ACO2: variants seen among roughly 807,000 people sequenced by gnomAD.
ACO2 encodes aconitase 2.
In ACO2, 31 loss-of-function variants were observed where a neutral mutation model predicts 84.5. That is an observed-to-expected ratio of 0.37 (90% CI 0.28 to 0.50). The LOEUF (loss-of-function observed/expected upper bound fraction) is 0.50, where lower values mean the gene tolerates loss of function less well. Ranked by LOEUF, ACO2 falls within the 20% of genes least tolerant of loss-of-function variation. ACO2 has a pLI of 0.97. For synonymous variants in ACO2, 414 were observed against 412.7 expected, an observed-to-expected ratio of 1.00 and a Z score of -0.04; for missense variants, 685 against 1,029.3, an observed-to-expected ratio of 0.67 and a Z score of 4.58.
intron 14 of ACO2, chr22:41,525,894 A>G (rs762376375): frequency 5.8e-5 from 13 of 223,194 alleles, no homozygotes; most frequent in Non-Finnish European, 9.7e-5. Context: ...GAAGAGACTA[A>G]TCAGTCATCA....
At chr22:41,478,888 A>G (rs533016908) in intron 1 of ACO2, among the ~76,000 whole-genome samples, 2 of 150,864 alleles carry the variant, frequency 1.3e-5, no homozygotes, top group African/African-American at 2.4e-5. Flanking sequence ...CTCCTGCCTC[A>G]GCCTCCCAAG....
intron 1 of ACO2, among the ~76,000 whole-genome samples, chr22:41,489,670 T>C (rs1468489240): frequency 6.6e-6 from 1 of 151,940 alleles, no homozygotes; most frequent in African/African-American, 2.4e-5. Flanking sequence ...GGTTAAACAT[T>C]CTGGGCAAGA....
At chr22:41,474,086 C>T (rs2037978628) in intron 1 of ACO2, among the ~76,000 whole-genome samples, 1 of 152,012 alleles carries the variant, frequency 6.6e-6, no homozygotes, top group Non-Finnish European at 1.5e-5. Flanking sequence ...CTGTTGGAGT[C>T]ATCCCAGGAA....
intron 1 of ACO2, among the ~76,000 whole-genome samples, chr22:41,474,450 C>A (rs1267047668): frequency 1.4e-5 from 2 of 145,194 alleles, no homozygotes; most frequent in South Asian, 2.2e-4. Flanking sequence ...CCTGCCACCA[C>A]GTCTGGCTAA....
intron 14 of ACO2, among the ~76,000 whole-genome samples, chr22:41,525,575 G>T (rs1199190446): frequency 2.0e-5 from 3 of 152,222 alleles, no homozygotes; most frequent in East Asian, 3.9e-4. Context: ...GCCTCCGTCT[G>T]GGGCCCTCAG....
Position 41,504,195 on chromosome 22 carries a change from G to GGT in ACO2, c.174-3593_174-3592dup, listed in dbSNP as rs1281706469. Among the ~76,000 whole-genome samples, 13 of 152,276 alleles carry GGT rather than the reference G, an allele frequency of 8.5e-5. No individual in the cohort carries two copies. The South Asian group carries it at 1.2e-3, about 15-fold the overall frequency. On this transcript the variant is annotated intron_variant, in intron 2 of 17. Coordinates refer to ENST00000216254, the MANE Select transcript of ACO2 (RefSeq NM_001098.3). Reference sequence around the variant, plus strand: ...CACACCACAGCACTCCAGCCAGAGTGGTGTCTCTGGTGACAGAGGAAGAGA... The same window carrying GGT: ...CACACCACAGCACTCCAGCCAGAGTGGTGTGTCTCTGGTGACAGAGGAAGAGA...
chr22:41,469,289 C>A (rs1034429022), intron 1 of ACO2, 107 bp downstream of exon 1: 2 of 1,360,114 alleles, frequency 1.5e-6, no homozygotes, highest in Admixed American at 4.5e-5. Context: ...GGGCCAACTT[C>A]TCGTGTACCT....
Position 41,527,369 on chromosome 22 carries a change from C to T in ACO2, c.2035C>T (p.Arg679Cys), listed in dbSNP as rs747898560. ...SSREHAALEPRHLGGRAIITK... is the reference protein window; with the variant it reads ...SSREHAALEPCHLGGRAIITK... ...CCGGGAGCATGCAGCTCTGGAGCCT[C>T]GCCACCTTGGGGGCCGGGCCATCAT... is the stretch of plus-strand genomic sequence containing the variant. The change falls in exon 16 of 18, where the codon CGC (arginine) becomes TGC (cysteine). Residue 679 changes from arginine (R) to cysteine (C), a missense_variant. Physicochemically the swap from Arg to Cys is radical, Grantham distance 180. Around this residue, in one of 5 missense-constraint regions of ACO2, gnomAD observed 174 missense variants for 236.6 expected, o/e 0.74. Transcript: ENST00000216254. The T allele has an allele frequency of 1.2e-6, 2 of 1,613,846 alleles. No homozygotes were observed. Among genetic ancestry groups the T allele is most frequent in the Non-Finnish European group, 8.5e-7 (1 of 1,180,018 alleles).
intron 9 of ACO2, 33 bp downstream of exon 9, chr22:41,520,309 T>A: frequency 6.4e-7 from 1 of 1,571,530 alleles, no homozygotes; most frequent in Non-Finnish European, 8.7e-7. Context: ...GTTTAGCAGG[T>A]CTCAGGGCCA....
Position 41,527,410 on chromosome 22 carries a change from C to T in ACO2, c.2076C>T (p.Ala692=), listed in dbSNP as rs776881089. The stretch of plus-strand genomic sequence containing the variant: ...GGGCCATCATCACCAAGAGCTTTGC[C>T]AGGATCCACGGTGAGCTGGAGTCTG... The part of the protein sequence containing the change: ...GGRAIITKSF[A]RIHETNLKKQ... The change falls in exon 16 of 18, where the codon GCC becomes GCT. Residue 692 remains alanine, a synonymous_variant. Coordinates refer to ENST00000216254, the MANE Select transcript of ACO2 (RefSeq NM_001098.3). The T allele has an allele frequency of 4.3e-6, 7 of 1,611,558 alleles. No homozygotes were observed. The highest frequency in any genetic ancestry group is 5.9e-6 in the Non-Finnish European group (7 of 1,179,182).
chr22:41,509,792 T>C (rs1234074053), intron 3 of ACO2, among the ~76,000 whole-genome samples: 3 of 150,260 alleles, frequency 2.0e-5, no homozygotes, highest in African/African-American at 4.9e-5. Context: ...CCTAGAACAG[T>C]TTAAGCGGAG....
intron 1 of ACO2, among the ~76,000 whole-genome samples, chr22:41,471,217 G>A (rs2037942487): frequency 6.6e-6 from 1 of 152,176 alleles, no homozygotes; most frequent in African/African-American, 2.4e-5. Flanking sequence ...TCTTATACAG[G>A]TGGAAAAATC....
At chr22:41,479,325 C>G (rs1364301736) in intron 1 of ACO2, among the ~76,000 whole-genome samples, 2 of 152,198 alleles carry the variant, frequency 1.3e-5, no homozygotes, top group Admixed American at 6.5e-5. Flanking sequence ...CCCTCTGTGC[C>G]AGTCACAGAA....
chr22:41,491,181 TAA>T (rs1338298682), intron 1 of ACO2, among the ~76,000 whole-genome samples: 1 of 151,950 alleles, frequency 6.6e-6, no homozygotes, highest in African/African-American at 2.4e-5. Flanking sequence ...ACTGCATCTG[TAA>T]AGACCTGTGG....
rs2066512287 is a variant in ACO2 at position 41,520,240 on chromosome 22, G to T, written c.1102G>T (p.Ala368Ser). 1 of 1,613,882 alleles carries T rather than the reference G, an allele frequency of 6.2e-7. No individual in the cohort carries two copies. Among genetic ancestry groups the T allele is most frequent in the Admixed American group, 1.7e-5 (1 of 60,008 alleles). Residue 368 changes from alanine to serine, a missense_variant, in exon 9 of 18, where the codon GCA (alanine) becomes TCA (serine). Ala to Ser is a moderately conservative substitution (Grantham distance 99). Coordinates refer to ENST00000216254, the MANE Select transcript of ACO2 (RefSeq NM_001098.3). The stretch of plus-strand genomic sequence containing the variant: ...CCCTGTGGCAGAAGTGGGCAAGGTG[G>T]CAGAGAAGGAAGGATGGCCTCTGGA... ...AHPVAEVGKV[A>S]EKEGWPLDIR... is the part of the protein sequence containing the mutation.
At chr22:41,487,430 T>A (rs528295614) in intron 1 of ACO2, among the ~76,000 whole-genome samples, 1 of 152,344 alleles carries the variant, frequency 6.6e-6, no homozygotes, top group African/African-American at 2.4e-5. Context: ...TGACTTGACA[T>A]GTTTTCTCAC....
intron 1 of ACO2, among the ~76,000 whole-genome samples, chr22:41,470,760 C>G (rs938050310): frequency 6.6e-6 from 1 of 152,036 alleles, no homozygotes; most frequent in African/African-American, 2.4e-5. Flanking sequence ...CCAGGCTGGT[C>G]ACAAACTCCT....
intron 16 of ACO2, 90 bp from the exon 17 acceptor site, chr22:41,527,811 G>C (rs2066634679): frequency 6.3e-7 from 1 of 1,595,192 alleles, no homozygotes; most frequent in Non-Finnish European, 8.5e-7. Context: ...GCAGGATTAG[G>C]GGCATCTCCC....
At chr22:41,524,151 TTA>T (rs1315862882) in intron 12 of ACO2, among the ~76,000 whole-genome samples, 1 of 152,214 alleles carries the variant, frequency 6.6e-6, no homozygotes, top group Non-Finnish European at 1.5e-5. Context: ...TGGTTTGTGC[TTA>T]TGAGCATGGA....
Sources: gnomAD v4.1 joint callset for allele counts (sites outside exome capture counted in the v4.1 genomes callset) on GRCh38, gnomAD v4.1.1 for gene constraint, gnomAD v4.1.1 regional missense constraint, MANE v1.5 for transcripts, NCBI Gene and HGNC (gene_info 2026-07-23, HGNC 2026-07-21) for gene names.